ARAP3: variants seen among roughly 807,000 people sequenced by gnomAD.
ARAP3 encodes arf-GAP with Rho-GAP domain, ANK repeat and PH domain-containing protein 3.
ARAP3 carries 82 observed loss-of-function variants against 169.2 expected under a neutral mutation model. The observed-to-expected ratio is 0.48, with a 90% CI of 0.41 to 0.58. The LOEUF (loss-of-function observed/expected upper bound fraction) is 0.58. Ranked by LOEUF, ARAP3 falls within the 20% of genes least tolerant of loss-of-function variation. ARAP3 has a pLI of 0.00. For missense variants in ARAP3, 1,764 were observed against 2,018.0 expected (o/e 0.87, Z 2.41); for synonymous variants, 791 against 800.3 (o/e 0.99, Z 0.20).
At chr5:141,656,413 G>C in intron 27 of ARAP3, 91 bp downstream of exon 27, 2 of 1,583,416 alleles carry the variant, frequency 1.3e-6, no homozygotes, top group South Asian at 1.1e-5. Context: ...AGATTGATGA[G>C]AGTATGGGCT....
rs114162500 is a variant in ARAP3, at chr5:141,661,887, G to A, written c.3014-98C>T. On this transcript the variant is annotated intron_variant, in intron 20 of 32. Coordinates refer to ENST00000239440, the MANE Select transcript of ARAP3 (RefSeq NM_022481.6). ...TTTTAGGCACAAATGCAGGATGGAT[G>A]TGTCTCTGCCCCCTTCCCACCTCCC... The A allele has an allele frequency of 2.1e-3, 3,111 of 1,475,800 alleles. 54 individuals carry two copies. In the African/African-American group the frequency reaches 0.039, roughly 19 times the overall value. The allele number at this position is 1,475,800 out of a possible 1,614,324, so 91.4% of individuals were successfully genotyped here.
At chr5:141,678,636 C>T (rs2099912533) in intron 4 of ARAP3, among the ~76,000 whole-genome samples, 1 of 151,642 alleles carries the variant, frequency 6.6e-6, no homozygotes, top group Admixed American at 6.6e-5. Context: ...TATAGGCGTC[C>T]ACCACCGCAC....
In ARAP3 at chr5:141,671,137, T is replaced by A; in HGVS notation, c.1990+128A>T. On this transcript the variant is annotated intron_variant, in intron 13 of 32. Coordinates refer to ENST00000239440, the MANE Select transcript of ARAP3 (RefSeq NM_022481.6). This position sits in a 1 kb window ranked among gnomAD's most constrained non-coding sequence, Gnocchi z 4.9. ...ATCAGGAGATAGGCCCTGGAGGATC[T>A]GAGGGTTTGGGAAACTGCCCAGGCT... 2 of 1,261,386 alleles carry A rather than the reference T, an allele frequency of 1.6e-6. No homozygotes were observed. Among genetic ancestry groups the A allele is most frequent in the Non-Finnish European group, 2.2e-6 (2 of 902,890 alleles). The allele number at this position is 1,261,386 out of a possible 1,614,324, so 78.1% of individuals were successfully genotyped here. A position where few individuals can be genotyped will look rare whatever the true frequency, so the allele number is the denominator to read the frequency against.
At chr5:141,660,358 A>G (rs2099909778) in intron 21 of ARAP3, among the ~76,000 whole-genome samples, 2 of 151,674 alleles carry the variant, frequency 1.3e-5, no homozygotes, top group Admixed American at 6.6e-5. Context: ...GCCGGGCGTG[A>G]TGGTGGGTGC....
chr5:141,674,118 C>G (rs1014615132), intron 4 of ARAP3, among the ~76,000 whole-genome samples: 11 of 152,142 alleles, frequency 7.2e-5, no homozygotes, highest in Non-Finnish European at 1.6e-4. Flanking sequence ...AATACGCTAC[C>G]ACGCCTGGCT....
intron 21 of ARAP3, among the ~76,000 whole-genome samples, chr5:141,660,386 C>T (rs2099909788): frequency 6.6e-6 from 1 of 150,738 alleles, no homozygotes; most frequent in Non-Finnish European, 1.5e-5. Flanking sequence ...CCCAGCTACT[C>T]GGGAGGCTGA....
At chr5:141,656,170 T>C (rs181324510) in intron 28 of ARAP3, 24 bp downstream of exon 28, 3 of 1,613,872 alleles carry the variant, frequency 1.9e-6, no homozygotes, top group Non-Finnish European at 1.7e-6. Context: ...GCCCTGGAAG[T>C]GCGGGCTGGG....
Position 141,670,558 on chromosome 5 carries a change from G to C in ARAP3, c.2061C>G (p.Pro687=), listed in dbSNP as rs754619715. Residue 687 remains proline, a synonymous_variant, in exon 14 of 33, where the codon CCC becomes CCG. Transcript: ENST00000239440. The part of the protein sequence containing the change: ...ATYSGFLYCS[P]VSNKAGPSPP... ...GTGAGGGTCCAGCTTTGTTGCTGACGGGACTGCAGTACAGGAAGCCGCTGT... is the reference window on the plus strand; with the variant it reads ...GTGAGGGTCCAGCTTTGTTGCTGACCGGACTGCAGTACAGGAAGCCGCTGT... 1 of 1,614,090 alleles carries C rather than the reference G, an allele frequency of 6.2e-7. No homozygotes were observed. The highest frequency in any genetic ancestry group is 1.1e-5 in the South Asian group (1 of 91,072).
intron 16 of ARAP3, among the ~76,000 whole-genome samples, chr5:141,668,362 G>A (rs1454465373): frequency 6.6e-6 from 1 of 152,112 alleles, no homozygotes; most frequent in Non-Finnish European, 1.5e-5. Flanking sequence ...CTAAGTGCTG[G>A]GAATTGCAAG....
In ARAP3 at chr5:141,672,429, G is replaced by A; in HGVS notation, c.1385+123C>T. 3 of 1,472,066 alleles carry A rather than the reference G, an allele frequency of 2.0e-6. No individual in the cohort carries two copies. Among genetic ancestry groups the A allele is most frequent in the Middle Eastern group, 1.9e-4 (1 of 5,272 alleles). The allele number at this position is 1,472,066 out of a possible 1,614,324, so 91.2% of individuals were successfully genotyped here. Reference sequence around the variant, plus strand: ...CAGACCCTTCTGACATCTTGACCTAGCTCACTGGACTACCATCTGTGCATA... The same window carrying A: ...CAGACCCTTCTGACATCTTGACCTAACTCACTGGACTACCATCTGTGCATA... On this transcript the variant is annotated intron_variant, in intron 9 of 32. Transcript: ENST00000239440. This position sits in a 1 kb window ranked among gnomAD's most constrained non-coding sequence, Gnocchi z 4.9.
At chr5:141,659,547 AG>A in intron 22 of ARAP3, 71 bp from the exon 23 acceptor site, 6 of 1,536,098 alleles carry the variant, frequency 3.9e-6, no homozygotes, top group Non-Finnish European at 5.4e-6. Context: ...AAGGCCAAGG[AG>A]GACCTGTTTA....
intron 16 of ARAP3, among the ~76,000 whole-genome samples, chr5:141,667,277 G>A (rs1428617097): frequency 6.6e-6 from 1 of 152,044 alleles, no homozygotes; most frequent in Non-Finnish European, 1.5e-5. Flanking sequence ...CACCCTAGGG[G>A]GCTGGGGAGA....
At chr5:141,656,670 T>C (rs1380280735) in intron 26 of ARAP3, 33 bp from the exon 27 acceptor site, 1 of 1,613,330 alleles carries the variant, frequency 6.2e-7, no homozygotes, top group South Asian at 1.1e-5. Flanking sequence ...GGGTGGAGGA[T>C]GCTAGGGGAG....
chr5:141,665,301 G>A lies in ARAP3; in HGVS notation c.2636+10C>T. On this transcript the variant is annotated intron_variant, in intron 18 of 32. Transcript: ENST00000239440. ...AGGGGAGCCCCAGGTCAAGGGCAGG[G>A]GCAATTTACCTTCCTGTCTCCACCA... 1 of 1,614,122 alleles carries A rather than the reference G, an allele frequency of 6.2e-7. No individual in the cohort carries two copies.
chr5:141,661,955 TG>T (rs1334989259), intron 20 of ARAP3, 87 bp downstream of exon 20: 27 of 1,565,564 alleles, frequency 1.7e-5, no homozygotes, highest in Non-Finnish European at 2.4e-5. Flanking sequence ...TGGGAAGTGA[TG>T]GGGCGGAGGG....
chr5:141,673,946 CT>C, intron 4 of ARAP3, 138 bp from the exon 5 acceptor site: 1 of 552,044 alleles, frequency 1.8e-6, no homozygotes, highest in South Asian at 3.1e-5. Context: ...TTTTCTTTTT[CT>C]TTTCTTTTCT....
In ARAP3 at chr5:141,671,669, C is replaced by T. The variant is rs12514851; in HGVS notation, c.1755G>A (p.Ala585=). The T allele has an allele frequency of 0.16, 262,475 of 1,613,502 alleles. 23,274 individuals are homozygous for T. The highest frequency in any genetic ancestry group is 0.35 in the Admixed American group (20,955 of 59,928). ...LPPGEGLHPD[A]TPGPRGEFIS... ...TGAACTCTCCCCGGGGGCCAGGGGT[C>T]GCATCTGGATGTAGTCCCTCACCTG... Residue 585 remains alanine, a synonymous_variant, in exon 12 of 33, where the codon GCG becomes GCA. Transcript: ENST00000239440. The surrounding 1 kb of genome is among the most constrained non-coding windows in gnomAD (Gnocchi z 4.9).
chr5:141,673,959 C>CTTTTTTTTTTTTTTT (rs10712701), intron 4 of ARAP3, 151 bp from the exon 5 acceptor site: 3 of 364,820 alleles, frequency 8.2e-6, no homozygotes, highest in Middle Eastern at 7.8e-4. Flanking sequence ...TTCTTTTCTT[C>CTTTTTTTTTTTTTTT]TTTTTTTTTT....
At chr5:141,666,244 G>C (rs1014093423) in intron 17 of ARAP3, among the ~76,000 whole-genome samples, 180 bp downstream of exon 17, 1 of 152,020 alleles carries the variant, frequency 6.6e-6, no homozygotes, top group African/African-American at 2.4e-5. Flanking sequence ...CTTGTCCAGG[G>C]ATATACAGCT....
Sources: gnomAD v4.1 joint callset for allele counts (sites outside exome capture counted in the v4.1 genomes callset) on GRCh38, gnomAD v4.1.1 for gene constraint, Gnocchi (gnomAD v3.1) non-coding constraint, MANE v1.5 for transcripts, NCBI Gene and HGNC (gene_info 2026-07-23, HGNC 2026-07-21) for gene names.